CADPS2: variants seen among roughly 807,000 people sequenced by gnomAD.
CADPS2 encodes the protein calcium dependent secretion activator 2, also known as calcium-dependent secretion activator 2.
In CADPS2, 93 loss-of-function variants were observed where a neutral mutation model predicts 172.5. The observed-to-expected ratio is 0.54, with a 90% CI of 0.46 to 0.64. CADPS2 has a LOEUF of 0.64. Ranked by LOEUF, CADPS2 falls within the 30% of genes least tolerant of loss-of-function variation. The pLI is 0.00. For synonymous variants in CADPS2, 546 were observed against 555.2 expected (o/e 0.98, Z 0.23); for missense variants, 1,420 against 1,565.9 (o/e 0.91, Z 1.57).
At chr7:122,673,741 A>G (rs74367820) in intron 2 of CADPS2, among the ~76,000 whole-genome samples, 16,614 of 152,278 alleles carry the variant, frequency 0.11, 1,243 homozygotes, top group African/African-American at 0.21. Flanking sequence ...CAGGGGCCCA[A>G]CTGGCTTCGC....
In CADPS2 at chr7:122,860,596, C is replaced by T. The variant is rs375611868; in HGVS notation, c.339+25403G>A. Among the ~76,000 whole-genome samples, 91 of 152,124 alleles carry T rather than the reference C, an allele frequency of 6.0e-4. 2 individuals are homozygous for T. In the South Asian group the frequency reaches 0.018, roughly 30 times the overall value. The stretch of plus-strand genomic sequence containing the variant: ...TTTTAGAACCCCCAAGGATAAAGAA[C>T]ATTAAAACATTTAAGAAAGAAAAAA... On this transcript the variant is annotated intron_variant, in intron 1 of 29. Transcript: ENST00000449022.
At chr7:122,539,642 G>A (rs1037080460) in intron 8 of CADPS2, among the ~76,000 whole-genome samples, 2 of 152,020 alleles carry the variant, frequency 1.3e-5, no homozygotes, top group Admixed American at 6.6e-5. Flanking sequence ...AACAGCCTTT[G>A]TAACCAATGT....
At chr7:122,657,490 A>T (rs182854890) in intron 3 of CADPS2, among the ~76,000 whole-genome samples, 2,222 of 152,222 alleles carry the variant, frequency 0.015, 22 homozygotes, top group Non-Finnish European at 0.022. Flanking sequence ...TTCGTTGAGC[A>T]GTGGTTTGTA....
chr7:122,526,765 T>A (rs1245693655), intron 8 of CADPS2, among the ~76,000 whole-genome samples: 1 of 152,342 alleles, frequency 6.6e-6, no homozygotes, highest in South Asian at 2.1e-4. Flanking sequence ...TCCTTTATTA[T>A]ACCAACTAGG....
At chr7:122,411,478 C>T (rs368398356) in intron 19 of CADPS2, among the ~76,000 whole-genome samples, 4 of 152,176 alleles carry the variant, frequency 2.6e-5, no homozygotes, top group African/African-American at 9.6e-5. Flanking sequence ...CCTCAGCCTC[C>T]CAAAGTGCTG....
At chr7:122,513,615 G>A (rs1056040260) in intron 8 of CADPS2, among the ~76,000 whole-genome samples, 1 of 152,186 alleles carries the variant, frequency 6.6e-6, no homozygotes, top group Non-Finnish European at 1.5e-5. Flanking sequence ...ATTCTTACAT[G>A]CAATTCTTAG....
At chr7:122,359,459 A>G (rs1196317986) in intron 27 of CADPS2, among the ~76,000 whole-genome samples, 4 of 152,114 alleles carry the variant, frequency 2.6e-5, no homozygotes. Flanking sequence ...CTGAAATTCT[A>G]TGGAGAGAAT....
rs1171771355 is a variant in CADPS2, at chr7:122,869,406, C to A, written c.339+16593G>T. 2.6e-5 allele frequency among the ~76,000 whole-genome samples: 4 copies of A among 151,820 alleles called. No individual in the cohort carries two copies. The East Asian group carries it at 7.7e-4, about 29-fold the overall frequency. ...TTTTTCCAAGAGAAACCCTGAAGAC[C>A]AGAAGTAAATGGGATAATATATTCA... On this transcript the variant is annotated intron_variant, in intron 1 of 29. Coordinates refer to ENST00000449022, the MANE Select transcript of CADPS2 (RefSeq NM_017954.11).
chr7:122,505,647 A>G (rs2059554988), intron 9 of CADPS2, among the ~76,000 whole-genome samples: 2 of 152,174 alleles, frequency 1.3e-5, no homozygotes, highest in South Asian at 4.1e-4. Flanking sequence ...TAAAATACCA[A>G]CAACTAACAG....
intron 2 of CADPS2, among the ~76,000 whole-genome samples, chr7:122,721,309 GA>G (rs2090366106): frequency 6.6e-6 from 1 of 151,886 alleles, no homozygotes. Context: ...TAATAAAGAA[GA>G]AAAGAGAGAA....
intron 2 of CADPS2, among the ~76,000 whole-genome samples, chr7:122,718,172 A>G (rs2089912744): frequency 6.6e-6 from 1 of 151,898 alleles, no homozygotes; most frequent in African/African-American, 2.4e-5. Context: ...AGAGTTTACT[A>G]AGCTAGAAGC....
intron 2 of CADPS2, among the ~76,000 whole-genome samples, chr7:122,736,251 T>C (rs913742203): frequency 2.6e-5 from 4 of 152,174 alleles, no homozygotes; most frequent in African/African-American, 9.6e-5. Flanking sequence ...TTTTCCCTTG[T>C]TTATTAGTCT....
chr7:122,702,967 C>T, intron 2 of CADPS2: 1 of 481,060 alleles, frequency 2.1e-6, no homozygotes, highest in South Asian at 3.4e-5. Context: ...GTGATTGGTA[C>T]CATGTGATTT....
In CADPS2 at chr7:122,501,874, CAAAAAAAA is replaced by C. The variant is rs1173009562; in HGVS notation, c.1543-10462_1543-10455del. On this transcript the variant is annotated intron_variant, in intron 9 of 29. Coordinates refer to ENST00000449022, the MANE Select transcript of CADPS2 (RefSeq NM_017954.11). ...TGGGCAACAAGGCAAGACTCCGTCT[CAAAAAAAA>C]AAAAAAAAAAAAAAAAGGAAAAAAA... is the stretch of plus-strand genomic sequence containing the variant. Among the ~76,000 whole-genome samples, 294 of 42,212 alleles carry C rather than the reference CAAAAAAAA, an allele frequency of 7.0e-3. 1 individual carries two copies. The highest frequency in any genetic ancestry group is 0.024 in the African/African-American group (283 of 11,650). The allele number at this position is 42,212 out of a possible 152,430, so 27.7% of individuals were successfully genotyped here. A position where few individuals can be genotyped will look rare whatever the true frequency, so the allele number is the denominator to read the frequency against.
At chr7:122,851,607 T>C (rs1813647669) in intron 1 of CADPS2, among the ~76,000 whole-genome samples, 2 of 152,314 alleles carry the variant, frequency 1.3e-5, no homozygotes, top group South Asian at 4.1e-4. Flanking sequence ...AGAGGTTTGA[T>C]GAACTCACAG....
chr7:122,338,381 G>A (rs955333255), intron 28 of CADPS2, among the ~76,000 whole-genome samples: 1 of 152,126 alleles, frequency 6.6e-6, no homozygotes, highest in African/African-American at 2.4e-5. Context: ...GCTACAGAGT[G>A]AGACTCTGTC....
intron 9 of CADPS2, among the ~76,000 whole-genome samples, chr7:122,495,273 T>C (rs1170791637): frequency 6.6e-6 from 1 of 152,190 alleles, no homozygotes; most frequent in African/African-American, 2.4e-5. Context: ...ATTCAATTAA[T>C]GCCTATACAT....
chr7:122,812,774 C>G (rs1420250362), intron 1 of CADPS2, among the ~76,000 whole-genome samples: 1 of 152,150 alleles, frequency 6.6e-6, no homozygotes, highest in Non-Finnish European at 1.5e-5. Context: ...ACAGCCCCTA[C>G]CACCTTCCAG....
chr7:122,652,069 CT>C (rs2079208687), intron 3 of CADPS2, among the ~76,000 whole-genome samples: 1 of 152,186 alleles, frequency 6.6e-6, no homozygotes, highest in Non-Finnish European at 1.5e-5. Context: ...CCCAGAACAC[CT>C]TAGCATCTAC....
Sources: allele counts gnomAD v4.1 joint callset (sites outside exome capture counted in the v4.1 genomes callset), GRCh38; gene constraint gnomAD v4.1.1; transcripts MANE v1.5; gene names NCBI Gene and HGNC (gene_info 2026-07-23, HGNC 2026-07-21).